The following PTMS variants were observed in gnomAD, a reference collection of about 807,000 sequenced individuals.
PTMS encodes the protein parathymosin.
In PTMS, 5 loss-of-function variants were observed where a neutral mutation model predicts 18.4. The observed-to-expected ratio is 0.27, with a 90% CI of 0.14 to 0.57. The LOEUF (loss-of-function observed/expected upper bound fraction) is 0.57. PTMS is among the 20% of genes least tolerant of loss of function. PTMS has a pLI of 0.92. For synonymous variants in PTMS, 53 were observed against 47.7 expected (o/e 1.11, Z -0.46); for missense variants, 93 against 124.6 (o/e 0.75, Z 1.21).
At chr12:6,769,496 C>G (rs1941810306) in intron 1 of PTMS, 107 bp from the exon 2 acceptor site, 1 of 1,219,612 alleles carries the variant, frequency 8.2e-7, no homozygotes, top group Non-Finnish European at 1.2e-6. Context: ...CCACCTTATT[C>G]AGTTCACACA....
chr12:6,769,758 A>G (rs772591681), intron 2 of PTMS, 84 bp downstream of exon 2: 1 of 1,602,916 alleles, frequency 6.2e-7, no homozygotes, highest in Admixed American at 1.7e-5. Context: ...TTTCCTTCCG[A>G]GGGTGCTGGG....
intron 1 of PTMS, among the ~76,000 whole-genome samples, chr12:6,768,693 GA>G (rs1941801910): frequency 6.6e-6 from 1 of 152,200 alleles, no homozygotes; most frequent in Non-Finnish European, 1.5e-5. Context: ...GTAGTGTCCA[GA>G]AGGGACTCAG....
chr12:6,770,401 G>A lies in PTMS; in HGVS notation c.268G>A (p.Asp90Asn). The change falls in exon 5 of 5, where the codon GAT (aspartate) becomes AAT (asparagine). Residue 90 changes from aspartate (D) to asparagine (N), a missense_variant. Coordinates refer to ENST00000309083, the MANE Select transcript of PTMS (RefSeq NM_002824.6). The surrounding 1 kb of genome is among the most constrained non-coding windows in gnomAD (Gnocchi z 7.3). Reference protein sequence around the residue: ...KRAAEEEDEADPKRQKTENGA... With the variant: ...KRAAEEEDEANPKRQKTENGA... ...CTCTCCCTCTCCACAGGATGAAGCG[G>A]ATCCCAAACGGCAGAAGACAGAAAA... 1.2e-6 allele frequency: 2 copies of A among 1,613,096 alleles called. No individual in the cohort carries two copies. The highest frequency in any genetic ancestry group is 3.3e-4 in the Middle Eastern group (2 of 6,060).
chr12:6,769,486 C>T, intron 1 of PTMS, 117 bp from the exon 2 acceptor site: 1 of 1,133,692 alleles, frequency 8.8e-7, no homozygotes. Context: ...TAAGCTGTGG[C>T]CACCTTATTC....
In PTMS at chr12:6,766,454, G is replaced by A. The variant is rs1941765601; in HGVS notation, c.-252G>A. Reference sequence around the variant, plus strand: ...GAGCGCGCCGGCCACCGCCTGCACCGCCCTTCCGCCCGCCCTCCGGACGGC... The same window carrying A: ...GAGCGCGCCGGCCACCGCCTGCACCACCCTTCCGCCCGCCCTCCGGACGGC... On this transcript the variant is annotated 5_prime_UTR_variant, in exon 1 of 5. Transcript: ENST00000309083. 2 of 223,856 alleles carry A rather than the reference G, an allele frequency of 8.9e-6. No homozygotes were observed. The highest frequency in any genetic ancestry group is 5.4e-5 in the Admixed American group (1 of 18,686). The allele number at this position is 223,856 out of a possible 1,614,324, so 13.9% of individuals were successfully genotyped here.
In PTMS at chr12:6,769,650, A is replaced by G. The variant is rs1025342196; in HGVS notation, c.93A>G (p.Lys31=). 2 of 1,614,002 alleles carry G rather than the reference A, an allele frequency of 1.2e-6. No homozygotes were observed. The highest frequency in any genetic ancestry group is 2.7e-5 in the African/African-American group (2 of 74,898). Residue 31 remains lysine (K), a synonymous_variant, in exon 2 of 5, where the codon AAA becomes AAG. Transcript: ENST00000309083. ...KEKVEEKASR[K]ERKKEVVEEE... ...AGGTGGAGGAGAAGGCAAGCCGGAA[A>G]GAGCGAAAGAAAGAAGTGGTGGAGG...
Position 6,770,786 on chromosome 12 carries a change from C to G in PTMS, c.*344C>G. ...CCTCTGCATCCCCCAGCCTCATGTC[C>G]TGCCCCATCCCTATCCTGCCTGATC... On this transcript the variant is annotated 3_prime_UTR_variant, in exon 5 of 5. Coordinates refer to ENST00000309083, the MANE Select transcript of PTMS (RefSeq NM_002824.6). The surrounding 1 kb of genome is among the most constrained non-coding windows in gnomAD (Gnocchi z 7.3). The G allele has an allele frequency of 5.2e-6, 2 of 387,960 alleles. No homozygotes were observed. The highest frequency in any genetic ancestry group is 5.7e-5 in the South Asian group (2 of 35,116). 24.0% of individuals were successfully genotyped at this position (387,960 alleles called of 1,614,324 possible).
rs573363956 is a variant in PTMS at position 6,769,806 on chromosome 12, C to T, written c.118-115C>T. ...CCTGAGCCCTGTCACCCTTGCTGCC[C>T]CACCCTGTGGCCCATCCCAAGCCCT... On this transcript the variant is annotated intron_variant, in intron 2 of 4. Coordinates refer to ENST00000309083, the MANE Select transcript of PTMS (RefSeq NM_002824.6). 286 of 1,603,800 alleles carry T rather than the reference C, an allele frequency of 1.8e-4. 2 individuals carry two copies. In the South Asian group the frequency reaches 3.0e-3, roughly 17 times the overall value.
intron 1 of PTMS, chr12:6,767,443 C>CA (rs1460522157): frequency 6.6e-6 from 1 of 152,338 alleles, no homozygotes; most frequent in African/African-American, 2.4e-5. Flanking sequence ...TCCTCGCCCT[C>CA]ATCAGCTCCC....
Position 6,769,776 on chromosome 12 carries a change from G to A in PTMS, c.117+102G>A, listed in dbSNP as rs144752841. ...CCTTCCGAGGGTGCTGGGTCCTGCCGTTCCCCTGAGCCCTGTCACCCTTGC... is the reference window on the plus strand; with the variant it reads ...CCTTCCGAGGGTGCTGGGTCCTGCCATTCCCCTGAGCCCTGTCACCCTTGC... On this transcript the variant is annotated intron_variant, in intron 2 of 4. Coordinates refer to ENST00000309083, the MANE Select transcript of PTMS (RefSeq NM_002824.6). The A allele has an allele frequency of 2.8e-5, 45 of 1,597,250 alleles. No homozygotes were observed. In the East Asian group the frequency reaches 6.0e-4, roughly 21 times the overall value.
rs1375408636 is a variant in PTMS at position 6,766,607 on chromosome 12, G to A, written c.-99G>A. ...CTGTCGCCGCCGCCGCCGCCACCGC[G>A]CCAGGTTCCGGCCGCGGCCACCCTC... On this transcript the variant is annotated 5_prime_UTR_variant, in exon 1 of 5. Coordinates refer to ENST00000309083, the MANE Select transcript of PTMS (RefSeq NM_002824.6). The A allele has an allele frequency of 1.5e-6, 1 of 658,110 alleles. No individual in the cohort carries two copies. Among genetic ancestry groups the A allele is most frequent in the African/African-American group, 2.0e-5 (1 of 49,732 alleles). 40.8% of individuals were successfully genotyped at this position (658,110 alleles called of 1,614,324 possible). A position where few individuals can be genotyped will look rare whatever the true frequency, so the allele number is the denominator to read the frequency against.
chr12:6,770,685 T>C lies in PTMS; in HGVS notation c.*243T>C. 1 of 587,010 alleles carries C rather than the reference T, an allele frequency of 1.7e-6. No individual in the cohort carries two copies. Among genetic ancestry groups the C allele is most frequent in the Non-Finnish European group, 3.0e-6 (1 of 328,000 alleles). The allele number at this position is 587,010 out of a possible 1,614,324, so 36.4% of individuals were successfully genotyped here. A position where few individuals can be genotyped will look rare whatever the true frequency, so the allele number is the denominator to read the frequency against. On this transcript the variant is annotated 3_prime_UTR_variant, in exon 5 of 5. Coordinates refer to ENST00000309083, the MANE Select transcript of PTMS (RefSeq NM_002824.6). The surrounding 1 kb of genome is among the most constrained non-coding windows in gnomAD (Gnocchi z 7.3). ...CTGAGCTCTCCAGCTGGCCCCCAAT[T>C]GCTCCTCTCTCTCTTTGCTCTCTTT...
chr12:6,770,363 C>T lies in PTMS; in HGVS notation c.259-29C>T. ...GGGGGAGGTCTCCCCTCCCATTTTA[C>T]AGCTCCCCCATTCTCTCCCTCTCCA... On this transcript the variant is annotated intron_variant, in intron 4 of 4. Transcript: ENST00000309083. This position sits in a 1 kb window ranked among gnomAD's most constrained non-coding sequence, Gnocchi z 7.3. 1 of 1,613,390 alleles carries T rather than the reference C, an allele frequency of 6.2e-7. No homozygotes were observed. The highest frequency in any genetic ancestry group is 8.5e-7 in the Non-Finnish European group (1 of 1,179,446).
Position 6,766,670 on chromosome 12 carries a change from C to A in PTMS, c.-36C>A. Reference sequence around the variant, plus strand: ...CCCCTCCGTCTCGGCCCCGGGACCCCGGCTCCCCGCCAGCCCCGGCCCCGG... The same window carrying A: ...CCCCTCCGTCTCGGCCCCGGGACCCAGGCTCCCCGCCAGCCCCGGCCCCGG... On this transcript the variant is annotated 5_prime_UTR_variant, in exon 1 of 5. Transcript: ENST00000309083. 1 of 1,108,496 alleles carries A rather than the reference C, an allele frequency of 9.0e-7. No homozygotes were observed. The allele number at this position is 1,108,496 out of a possible 1,614,324, so 68.7% of individuals were successfully genotyped here. A position where few individuals can be genotyped will look rare whatever the true frequency, so the allele number is the denominator to read the frequency against.
chr12:6,769,505 C>CA, intron 1 of PTMS, 98 bp from the exon 2 acceptor site: 1 of 1,319,652 alleles, frequency 7.6e-7, no homozygotes, highest in Non-Finnish European at 1.1e-6. Flanking sequence ...TCAGTTCACA[C>CA]ACCTCTAAGC....
At chr12:6,767,053 G>T (rs1484087014) in intron 1 of PTMS, 1 of 157,150 alleles carries the variant, frequency 6.4e-6, no homozygotes, top group African/African-American at 2.4e-5. Context: ...ATCCCGTCCG[G>T]CTTCCCGTCC....
intron 1 of PTMS, 105 bp from the exon 2 acceptor site, chr12:6,769,498 G>GC (rs1270810964): frequency 7.8e-7 from 1 of 1,276,520 alleles, no homozygotes; most frequent in Non-Finnish European, 1.1e-6. Flanking sequence ...ACCTTATTCA[G>GC]TTCACACACC....
In PTMS at chr12:6,770,855, C is replaced by CGGGGTGGGGCCG. The variant is rs1380104703; in HGVS notation, c.*417_*428dup. 2 of 181,616 alleles carry CGGGGTGGGGCCG rather than the reference C, an allele frequency of 1.1e-5. No individual in the cohort carries two copies. Among genetic ancestry groups the CGGGGTGGGGCCG allele is most frequent in the Non-Finnish European group, 2.3e-5 (2 of 85,588 alleles). 11.3% of individuals were successfully genotyped at this position (181,616 alleles called of 1,614,324 possible). A position where few individuals can be genotyped will look rare whatever the true frequency, so the allele number is the denominator to read the frequency against. ...CCCCTCTTCTCAGACAGCGCCAGGC[C>CGGGGTGGGGCCG]GGGGTGGGGCCGGGGTTGGGGCCGA... On this transcript the variant is annotated 3_prime_UTR_variant, in exon 5 of 5. Coordinates refer to ENST00000309083, the MANE Select transcript of PTMS (RefSeq NM_002824.6). This position sits in a 1 kb window ranked among gnomAD's most constrained non-coding sequence, Gnocchi z 7.3.
Position 6,770,404 on chromosome 12 carries a change from C to T in PTMS, c.271C>T (p.Pro91Ser). 1 of 1,613,712 alleles carries T rather than the reference C, an allele frequency of 6.2e-7. No homozygotes were observed. Among genetic ancestry groups the T allele is most frequent in the Non-Finnish European group, 8.5e-7 (1 of 1,179,878 alleles). ...TCCCTCTCCACAGGATGAAGCGGAT[C>T]CCAAACGGCAGAAGACAGAAAATGG... ...RAAEEEDEAD[P>S]KRQKTENGAS... The change falls in exon 5 of 5, where the codon CCC (proline) becomes TCC (serine). Residue 91 changes from proline (P) to serine (S), a missense_variant. By Grantham distance (74) the Pro-to-Ser change is moderately conservative. Coordinates refer to ENST00000309083, the MANE Select transcript of PTMS (RefSeq NM_002824.6). This position sits in a 1 kb window ranked among gnomAD's most constrained non-coding sequence, Gnocchi z 7.3.
Sources: allele counts gnomAD v4.1 joint callset (sites outside exome capture counted in the v4.1 genomes callset), GRCh38; gene constraint gnomAD v4.1.1; non-coding constraint Gnocchi (gnomAD v3.1); transcripts MANE v1.5; gene names NCBI Gene and HGNC (gene_info 2026-07-23, HGNC 2026-07-21).